The following AOPEP variants were observed in gnomAD, a reference collection of about 807,000 sequenced individuals.
AOPEP encodes the protein aminopeptidase O (putative), also known as aminopeptidase O.
AOPEP carries 77 observed loss-of-function variants against 98.1 expected under a neutral mutation model. The ratio of observed to expected loss-of-function variants is 0.78; its 90% CI spans 0.65 to 0.95. The LOEUF (loss-of-function observed/expected upper bound fraction) is 0.95, where lower values mean the gene tolerates loss of function less well. AOPEP is among the 40% of genes least tolerant of loss of function. AOPEP has a pLI of 0.00. For synonymous variants in AOPEP, 346 were observed against 365.3 expected (o/e 0.95, Z 0.60); for missense variants, 1,024 against 1,024.7 (o/e 1.00, Z 0.01).
chr9:94,770,552 G>A (rs936297290), intron 2 of AOPEP, among the ~76,000 whole-genome samples: 3 of 152,172 alleles, frequency 2.0e-5, no homozygotes, highest in African/African-American at 7.2e-5. Flanking sequence ...CTCACTGACT[G>A]TTGGCCAAAG....
At chr9:94,948,182 G>A (rs2057824454) in intron 7 of AOPEP, among the ~76,000 whole-genome samples, 2 of 152,092 alleles carry the variant, frequency 1.3e-5, no homozygotes, top group Admixed American at 1.3e-4. Flanking sequence ...TAGCTCATAG[G>A]CAAATCTGTT....
chr9:95,069,692 G>T lies in AOPEP; in HGVS notation c.2232+8882G>T, dbSNP rs952144685. 2.6e-5 allele frequency among the ~76,000 whole-genome samples: 4 copies of T among 152,342 alleles called. No individual in the cohort carries two copies. The South Asian group carries it at 6.2e-4, about 24-fold the overall frequency. On this transcript the variant is annotated intron_variant, in intron 14 of 16. Transcript: ENST00000375315. ...GGTTGCCTCTTTTATCATACTTGAC[G>T]TTTGTATTTGACATCAATATTTGAT...
chr9:94,853,107 A>G (rs1359475944), intron 5 of AOPEP, among the ~76,000 whole-genome samples: 5 of 152,232 alleles, frequency 3.3e-5, no homozygotes, highest in African/African-American at 1.2e-4. Flanking sequence ...TTTGAGTAGA[A>G]TGATTTAACA....
chr9:94,942,401 T>C (rs1157784299), intron 7 of AOPEP, among the ~76,000 whole-genome samples: 5 of 152,174 alleles, frequency 3.3e-5, no homozygotes, highest in Non-Finnish European at 7.4e-5. Flanking sequence ...TGACAAAAAC[T>C]ATATGGGTAT....
intron 14 of AOPEP, among the ~76,000 whole-genome samples, chr9:95,069,129 T>G (rs2068216277): frequency 3.3e-5 from 5 of 152,208 alleles, no homozygotes; most frequent in Admixed American, 3.3e-4. Flanking sequence ...GCTTATCTAT[T>G]TTAGTCACCA....
At chr9:94,921,588 C>T (rs1168594714) in intron 5 of AOPEP, among the ~76,000 whole-genome samples, 1 of 152,112 alleles carries the variant, frequency 6.6e-6, no homozygotes, top group Non-Finnish European at 1.5e-5. Flanking sequence ...TTCTGTTGGT[C>T]CTTTTATGTC....
At chr9:95,084,827 G>T (rs772908218) in intron 16 of AOPEP, among the ~76,000 whole-genome samples, 2 of 152,126 alleles carry the variant, frequency 1.3e-5, no homozygotes, top group African/African-American at 4.8e-5. Flanking sequence ...TTGTCCCAGG[G>T]CCCCTTCCAG....
intron 16 of AOPEP, among the ~76,000 whole-genome samples, chr9:95,083,451 C>T (rs995199051): frequency 1.4e-5 from 2 of 142,192 alleles, no homozygotes; most frequent in Non-Finnish European, 1.5e-5. Flanking sequence ...CACCAAACAG[C>T]GCACGCACCA....
intron 6 of AOPEP, among the ~76,000 whole-genome samples, chr9:94,927,786 C>A (rs1366155251): frequency 6.6e-6 from 1 of 152,232 alleles, no homozygotes; most frequent in Non-Finnish European, 1.5e-5. Context: ...TCCAGAAACA[C>A]CCGTGGATAG....
the AOPEP span, chr9:95,107,212 A>G: frequency 1.9e-6 from 3 of 1,614,164 alleles, no homozygotes; most frequent in Non-Finnish European, 2.5e-6. Context: ...TCCTGGGCTG[A>G]GAGGCTGCTG....
At chr9:95,013,218 T>C (rs527338438) in intron 13 of AOPEP, among the ~76,000 whole-genome samples, 22 of 152,196 alleles carry the variant, frequency 1.4e-4, no homozygotes, top group African/African-American at 5.3e-4. Context: ...AGTTTTATGA[T>C]TTTTTAAAAG....
chr9:95,005,173 C>T lies in AOPEP; in HGVS notation c.1993C>T (p.Arg665Cys), dbSNP rs200844547. ...TCCCCCGCAGCCGCTGCAGAGGGAG[C>T]GTCGCGCCGGGGCGGAGTGCGGGCT... ...SGIPKPLQRE[R>C]RAGAECGLAR... is the part of the protein sequence containing the mutation. The change falls in exon 12 of 17, where the codon CGT (arginine) becomes TGT (cysteine). Residue 665 changes from arginine to cysteine, a missense_variant. Physicochemically the swap from Arg to Cys is radical, Grantham distance 180. Transcript: ENST00000375315. 5.4e-5 allele frequency: 62 copies of T among 1,152,412 alleles called. No individual in the cohort carries two copies. The African/African-American group carries it at 8.5e-4, about 16-fold the overall frequency. 71.4% of individuals were successfully genotyped at this position (1,152,412 alleles called of 1,614,324 possible). A position where few individuals can be genotyped will look rare whatever the true frequency, so the allele number is the denominator to read the frequency against.
chr9:95,067,828 C>G (rs556546164), intron 14 of AOPEP, among the ~76,000 whole-genome samples: 1 of 152,140 alleles, frequency 6.6e-6, no homozygotes, highest in Non-Finnish European at 1.5e-5. Flanking sequence ...AAACCCAGTA[C>G]CCTTTGGCTG....
At chr9:95,073,701 A>T (rs1286896347) in intron 14 of AOPEP, among the ~76,000 whole-genome samples, 1 of 152,124 alleles carries the variant, frequency 6.6e-6, no homozygotes, top group East Asian at 1.9e-4. Flanking sequence ...TACTAAAAAT[A>T]CAAAAAAATT....
rs994906155 is a variant in AOPEP at position 94,776,087 on chromosome 9, C to T, written c.964+2919C>T. Among the ~76,000 whole-genome samples the T allele has an allele frequency of 5.3e-5, 8 of 152,144 alleles. No homozygotes were observed. In the East Asian group the frequency reaches 5.8e-4, roughly 11 times the overall value. On this transcript the variant is annotated intron_variant, in intron 3 of 16. Coordinates refer to ENST00000375315, the MANE Select transcript of AOPEP (RefSeq NM_001193329.3). ...AAGGACAAAGCATTATGTGCAATAA[C>T]GTGTTTTTCTTACCTCTATTTCCCA...
intron 3 of AOPEP, among the ~76,000 whole-genome samples, chr9:94,784,882 G>A (rs924750814): frequency 6.6e-6 from 1 of 152,208 alleles, no homozygotes; most frequent in Non-Finnish European, 1.5e-5. Flanking sequence ...CTCCCAAAGT[G>A]CTGGGATTAC....
the AOPEP span, chr9:95,111,779 G>T: frequency 1.0e-6 from 1 of 973,336 alleles, no homozygotes; most frequent in Non-Finnish European, 1.6e-6. Context: ...ATACAATTTA[G>T]ATTCAGAAAG....
the AOPEP span, among the ~76,000 whole-genome samples, chr9:95,104,217 T>C: frequency 6.6e-6 from 1 of 152,230 alleles, no homozygotes; most frequent in Non-Finnish European, 1.5e-5. Flanking sequence ...CAGCGAAGGC[T>C]TCTCATTAGG....
At chr9:94,855,555 C>G (rs569439149) in intron 5 of AOPEP, among the ~76,000 whole-genome samples, 1 of 152,046 alleles carries the variant, frequency 6.6e-6, no homozygotes, top group Non-Finnish European at 1.5e-5. Context: ...GACGTGATGG[C>G]GCATGCCTGT....
Sources: allele counts gnomAD v4.1 joint callset (sites outside exome capture counted in the v4.1 genomes callset), GRCh38; gene constraint gnomAD v4.1.1; transcripts MANE v1.5; gene names NCBI Gene and HGNC (gene_info 2026-07-23, HGNC 2026-07-21).